Variants in NBEAL1 observed in about 807,000 individuals in gnomAD.
NBEAL1 encodes the protein neurobeachin like 1.
A neutral mutation model predicts 351.3 loss-of-function variants in NBEAL1; 273 were observed. The observed-to-expected ratio is 0.78, with a 90% confidence interval of 0.70 to 0.86. NBEAL1 has a LOEUF of 0.86. Ranked by LOEUF, NBEAL1 falls within the 40% of genes least tolerant of loss-of-function variation. NBEAL1 has a pLI of 0.00. For missense variants in NBEAL1, 2,961 were observed against 3,201.3 expected, an observed-to-expected ratio of 0.92 and a Z score of 1.81; for synonymous variants, 1,050 against 1,086.4, an observed-to-expected ratio of 0.97 and a Z score of 0.66.
chr2:203,100,708 C>T (rs1047848881), intron 12 of NBEAL1, among the ~76,000 whole-genome samples: 20 of 151,756 alleles, frequency 1.3e-4, no homozygotes, highest in South Asian at 4.2e-4. Flanking sequence ...CACCACAGCC[C>T]GGCTAATTTT....
chr2:203,134,163 T>G (rs2106306653), intron 27 of NBEAL1, among the ~76,000 whole-genome samples: 1 of 152,296 alleles, frequency 6.6e-6, no homozygotes, highest in East Asian at 1.9e-4. Flanking sequence ...GTGACAGTGA[T>G]TATTTCCCTA....
At position 203,113,100 on chromosome 2, in the gene NBEAL1, C is replaced by T. The variant is rs758184264; in HGVS notation, c.2288C>T (p.Ser763Phe). 1.8e-5 allele frequency: 28 copies of T among 1,551,956 alleles called. No homozygotes were observed. The East Asian group carries it at 3.6e-4, about 20-fold the overall frequency. The change falls in exon 17 of 56, where the codon TCT (serine) becomes TTT (phenylalanine). Residue 763 changes from serine to phenylalanine, a missense_variant. Ser to Phe is a radical substitution (Grantham distance 155). Transcript: ENST00000683969. ...CAAATCCCAGATCCACCTTTCTCTTCTCCCATTACCCCTCATCGGACATCA... is the reference window on the plus strand; with the variant it reads ...CAAATCCCAGATCCACCTTTCTCTTTTCCCATTACCCCTCATCGGACATCA... The part of the protein sequence containing the change: ...PSQIPDPPFS[S>F]PITPHRTSFG...
chr2:203,188,113 A>G (rs2064964581), intron 44 of NBEAL1, among the ~76,000 whole-genome samples: 1 of 151,986 alleles, frequency 6.6e-6, no homozygotes, highest in South Asian at 2.1e-4. Flanking sequence ...TCTTGAATTG[A>G]ATTTCTAGAC....
chr2:203,113,321 A>G lies in NBEAL1; in HGVS notation c.2506+3A>G. On this transcript the variant is annotated splice_donor_region_variant and intron_variant, in intron 17 of 55. Coordinates refer to ENST00000683969, the MANE Select transcript of NBEAL1 (RefSeq NM_001378026.1). Reference sequence around the variant, plus strand: ...GGTGAAGGCATTATATTTAGCAGGTAAGCATGTACAGTCATAATGCTTAAG... The same window carrying G: ...GGTGAAGGCATTATATTTAGCAGGTGAGCATGTACAGTCATAATGCTTAAG... The G allele has an allele frequency of 7.2e-7, 1 of 1,380,658 alleles. No individual in the cohort carries two copies. Among genetic ancestry groups the G allele is most frequent in the South Asian group, 2.0e-5 (1 of 50,064 alleles). 85.5% of individuals were successfully genotyped at this position (1,380,658 alleles called of 1,614,324 possible).
rs886262124 is a variant in NBEAL1, at chr2:203,107,595, T to A, written c.1369-13T>A. On this transcript the variant is annotated splice_polypyrimidine_tract_variant and intron_variant, in intron 13 of 55. Coordinates refer to ENST00000683969, the MANE Select transcript of NBEAL1 (RefSeq NM_001378026.1). The stretch of plus-strand genomic sequence containing the variant: ...ATGATAACTAACCTTTTATCTTTTA[T>A]GTTGCTTTTCAGGCTGTAGAGGGTG... 26 of 1,548,934 alleles carry A rather than the reference T, an allele frequency of 1.7e-5. No homozygotes were observed. Among genetic ancestry groups the A allele is most frequent in the Non-Finnish European group, 2.2e-5 (25 of 1,145,356 alleles).
At position 203,038,653 on chromosome 2, in the gene NBEAL1, G is replaced by T. The variant is rs2061077984; in HGVS notation, c.52-3112G>T. 2.7e-5 allele frequency among the ~76,000 whole-genome samples: 4 copies of T among 148,478 alleles called. 1 individual carries two copies. The highest frequency in any genetic ancestry group is 9.8e-5 in the African/African-American group (4 of 40,868). ...CTTTCCATTTTCTTTTTTCTTTAGA[G>T]TCTCACTCTGGCACCAGAATATAGG... On this transcript the variant is annotated intron_variant, in intron 2 of 55. Transcript: ENST00000683969.
rs2061422368 is a variant in NBEAL1 at position 203,057,451 on chromosome 2, A to T, written c.513A>T (p.Ser171=). Reference sequence around the variant, plus strand: ...ATCGGAATTGGAGACATAGAATTTCAGGGTATGTCTTATAAATAATAACGT... The same window carrying T: ...ATCGGAATTGGAGACATAGAATTTCTGGGTATGTCTTATAAATAATAACGT... The part of the protein sequence containing the change: ...DPYRNWRHRI[S]GRILSTVEKS... The change falls in exon 6 of 56, where the codon TCA becomes TCT. Residue 171 remains serine (S), a splice_region_variant and synonymous_variant. Transcript: ENST00000683969. 1.1e-5 allele frequency: 17 copies of T among 1,547,850 alleles called. No homozygotes were observed. Among genetic ancestry groups the T allele is most frequent in the Non-Finnish European group, 1.5e-5 (17 of 1,144,578 alleles).
intron 50 of NBEAL1, among the ~76,000 whole-genome samples, chr2:203,201,982 T>G (rs2105814273): frequency 6.6e-6 from 1 of 152,250 alleles, no homozygotes; most frequent in South Asian, 2.1e-4. Context: ...ATGATAAAAG[T>G]AAGAATTTTA....
At chr2:203,100,521 A>G (rs2062292094) in intron 12 of NBEAL1, among the ~76,000 whole-genome samples, 1 of 148,792 alleles carries the variant, frequency 6.7e-6, no homozygotes, top group Admixed American at 6.7e-5. Context: ...ATTTTTTAAT[A>G]TGCTTGTTGG....
chr2:203,057,565 A>G (rs1458846154), intron 6 of NBEAL1, 112 bp downstream of exon 6: 1 of 792,880 alleles, frequency 1.3e-6, no homozygotes, highest in East Asian at 2.8e-5. Context: ...TATAAGACCC[A>G]CAGATTTAAC....
At chr2:203,139,557 CTTTTTTTTT>C (rs370861737) in intron 31 of NBEAL1, among the ~76,000 whole-genome samples, 4 of 67,666 alleles carry the variant, frequency 5.9e-5, no homozygotes, top group East Asian at 5.1e-4. Flanking sequence ...CCACCCCCAC[CTTTTTTTTT>C]TTTTTTTTTT....
At chr2:203,063,565 A>G (rs1249962343) in intron 6 of NBEAL1, among the ~76,000 whole-genome samples, 1 of 151,992 alleles carries the variant, frequency 6.6e-6, no homozygotes, top group Non-Finnish European at 1.5e-5. Flanking sequence ...AGAAGAAGAA[A>G]GGAAGAAAAG....
chr2:203,176,984 T>G (rs1243788871), intron 42 of NBEAL1, among the ~76,000 whole-genome samples: 1 of 151,628 alleles, frequency 6.6e-6, no homozygotes. Flanking sequence ...AAACCCCATC[T>G]CTACAAAAAA....
At chr2:203,192,802 G>A (rs1011210131) in intron 46 of NBEAL1, among the ~76,000 whole-genome samples, 3 of 151,902 alleles carry the variant, frequency 2.0e-5, no homozygotes, top group African/African-American at 7.3e-5. Flanking sequence ...TTTTAACTGT[G>A]CCTTTGAAAT....
chr2:203,052,276 A>T (rs1285000942), intron 4 of NBEAL1: 2 of 152,074 alleles, frequency 1.3e-5, no homozygotes, highest in African/African-American at 4.9e-5. Flanking sequence ...TTTTAATCAT[A>T]AGCATACCAA....
At chr2:203,151,095 G>A (rs554721451) in intron 34 of NBEAL1, among the ~76,000 whole-genome samples, 206 of 152,306 alleles carry the variant, frequency 1.4e-3, no homozygotes, top group African/African-American at 4.7e-3. Context: ...ACTTTGGGAG[G>A]CCAAGGCGGG....
intron 8 of NBEAL1, among the ~76,000 whole-genome samples, chr2:203,079,140 C>T (rs1310565711): frequency 6.6e-6 from 1 of 152,104 alleles, no homozygotes; most frequent in Non-Finnish European, 1.5e-5. Context: ...AGTGCAGTGG[C>T]TCTATCATGG....
At chr2:203,022,582 T>C (rs1350007066) in intron 2 of NBEAL1, among the ~76,000 whole-genome samples, 8 of 152,192 alleles carry the variant, frequency 5.3e-5, no homozygotes, top group Admixed American at 5.2e-4. Context: ...GTCAAAATTT[T>C]TTAGAAAAGA....
chr2:203,165,947 G>A (rs2064117046), intron 36 of NBEAL1, among the ~76,000 whole-genome samples: 1 of 152,108 alleles, frequency 6.6e-6, no homozygotes, highest in South Asian at 2.1e-4. Context: ...GGAGGCTGAG[G>A]TGGGAGGATT....
Sources: allele counts gnomAD v4.1 joint callset (sites outside exome capture counted in the v4.1 genomes callset), GRCh38; gene constraint gnomAD v4.1.1; transcripts MANE v1.5; gene names NCBI Gene and HGNC (gene_info 2026-07-23, HGNC 2026-07-21).